ARHGEF12: variants seen among roughly 807,000 people sequenced by gnomAD.
The protein encoded by ARHGEF12 is KMT2A/ARHGEF12 fusion protein.
ARHGEF12 carries 66 observed loss-of-function variants against 211.2 expected under a neutral mutation model. The observed-to-expected ratio is 0.31, with a 90% CI of 0.26 to 0.38. The LOEUF (loss-of-function observed/expected upper bound fraction) is 0.38, where lower values mean the gene tolerates loss of function less well. Ranked by LOEUF, ARHGEF12 falls within the 10% of genes least tolerant of loss-of-function variation. ARHGEF12 has a pLI of 1.00. For missense variants in ARHGEF12, 1,429 were observed against 1,869.5 expected (o/e 0.76, Z 4.34); for synonymous variants, 592 against 638.4 (o/e 0.93, Z 1.09).
chr11:120,336,426 C>T lies in ARHGEF12; in HGVS notation c.-818C>T, dbSNP rs926644397. Among the ~76,000 whole-genome samples the T allele has an allele frequency of 2.6e-5, 4 of 151,390 alleles. No homozygotes were observed. The highest frequency in any genetic ancestry group is 9.7e-5 in the African/African-American group (4 of 41,306). On this transcript the variant is annotated 5_prime_UTR_variant, in exon 1 of 41. Coordinates refer to ENST00000397843, the MANE Select transcript of ARHGEF12 (RefSeq NM_015313.3). ...GCGAGGGCCTCCAGAACCCGGCGAGCCGGCCCTGCGCCGGGAGACGCCGCC... is the reference window on the plus strand; with the variant it reads ...GCGAGGGCCTCCAGAACCCGGCGAGTCGGCCCTGCGCCGGGAGACGCCGCC...
rs78291489 is a variant in ARHGEF12 at position 120,349,712 on chromosome 11, G to A, written c.32+12437G>A. On this transcript the variant is annotated intron_variant, in intron 1 of 40. Coordinates refer to ENST00000397843, the MANE Select transcript of ARHGEF12 (RefSeq NM_015313.3). ...AGTGTGTGTGAGTACCTAGCACATCGTAAGAGAGAGCTCAGTAAGTTATAG... is the reference window on the plus strand; with the variant it reads ...AGTGTGTGTGAGTACCTAGCACATCATAAGAGAGAGCTCAGTAAGTTATAG... 1.3e-3 allele frequency among the ~76,000 whole-genome samples: 191 copies of A among 152,294 alleles called. 4 individuals are homozygous for A. The East Asian group carries it at 0.033, about 27-fold the overall frequency.
chr11:120,389,044 T>C (rs1286892788), intron 1 of ARHGEF12, among the ~76,000 whole-genome samples: 1 of 151,818 alleles, frequency 6.6e-6, no homozygotes, highest in Non-Finnish European at 1.5e-5. Context: ...TTTCTAGTTT[T>C]AGTTTTAGTA....
At chr11:120,458,721 T>A (rs1946435627) in intron 25 of ARHGEF12, 1 of 161,946 alleles carries the variant, frequency 6.2e-6, no homozygotes, top group African/African-American at 2.4e-5. Context: ...GCATGTGATA[T>A]GAATAAATAT....
rs566711243 is a variant in ARHGEF12, at chr11:120,383,432, G to A, written c.33-22686G>A. Reference sequence around the variant, plus strand: ...ATTTTCATTATTATTACATTGTAATGTATAATGAAATAATTATATACTCAC... The same window carrying A: ...ATTTTCATTATTATTACATTGTAATATATAATGAAATAATTATATACTCAC... On this transcript the variant is annotated intron_variant, in intron 1 of 40. Coordinates refer to ENST00000397843, the MANE Select transcript of ARHGEF12 (RefSeq NM_015313.3). Among the ~76,000 whole-genome samples the A allele has an allele frequency of 2.0e-5, 3 of 152,262 alleles. No homozygotes were observed. In the East Asian group the frequency reaches 5.8e-4, roughly 29 times the overall value.
intron 19 of ARHGEF12, 117 bp downstream of exon 19, chr11:120,448,023 C>G: frequency 1.1e-6 from 1 of 878,896 alleles, no homozygotes; most frequent in South Asian, 1.9e-5. Context: ...TTTGTGGTCT[C>G]TCTCTGGTGG....
chr11:120,363,826 G>GAAA, intron 1 of ARHGEF12, among the ~76,000 whole-genome samples: 1 of 152,276 alleles, frequency 6.6e-6, no homozygotes, highest in East Asian at 1.9e-4. Context: ...GGTAGAGAGG[G>GAAA]GATTTGATAG....
rs578126955 is a variant in ARHGEF12, at chr11:120,467,037, G to A, written c.2740-157G>A. On this transcript the variant is annotated intron_variant, in intron 28 of 40. Coordinates refer to ENST00000397843, the MANE Select transcript of ARHGEF12 (RefSeq NM_015313.3). The stretch of plus-strand genomic sequence containing the variant: ...CCCCATTATGTGATTAAAGGAGAAA[G>A]CAGAAGTATATTGTGGCAATGATAT... Among the ~76,000 whole-genome samples, 88 of 152,318 alleles carry A rather than the reference G, an allele frequency of 5.8e-4. 2 individuals are homozygous for A. The South Asian group carries it at 0.017, about 29-fold the overall frequency.
At chr11:120,373,698 C>T (rs1339834521) in intron 1 of ARHGEF12, among the ~76,000 whole-genome samples, 1 of 151,798 alleles carries the variant, frequency 6.6e-6, no homozygotes, top group Non-Finnish European at 1.5e-5. Flanking sequence ...TTTTTTCCCC[C>T]TTCTATGTTT....
At chr11:120,434,870 A>G (rs190948987) in intron 11 of ARHGEF12, among the ~76,000 whole-genome samples, 460 of 152,276 alleles carry the variant, frequency 3.0e-3, no homozygotes, top group African/African-American at 0.01. Flanking sequence ...AATCCTCCTC[A>G]TGTCCCTGAG....
At chr11:120,439,050 G>T (rs1945786187) in intron 12 of ARHGEF12, 5 of 152,124 alleles carry the variant, frequency 3.3e-5, no homozygotes, top group African/African-American at 1.2e-4. Context: ...GATGGGTCTT[G>T]TTGTTTTTCC....
In ARHGEF12 at chr11:120,476,995, T is replaced by C. The variant is rs2135984382; in HGVS notation, c.3366-224T>C. The stretch of plus-strand genomic sequence containing the variant: ...TGTCAAGTGAAGTTTTTTTAATGTG[T>C]CCATAGATTTCTCTTAAGGTATAGT... On this transcript the variant is annotated intron_variant, in intron 34 of 40. Coordinates refer to ENST00000397843, the MANE Select transcript of ARHGEF12 (RefSeq NM_015313.3). 5.0e-6 allele frequency: 3 copies of C among 596,686 alleles called. No homozygotes were observed. The East Asian group carries it at 8.3e-5, about 17-fold the overall frequency. 37.0% of individuals were successfully genotyped at this position (596,686 alleles called of 1,614,324 possible).
intron 39 of ARHGEF12, among the ~76,000 whole-genome samples, 184 bp downstream of exon 39, chr11:120,481,760 CTTTTT>C (rs765155466): frequency 7.2e-6 from 1 of 138,408 alleles, no homozygotes; most frequent in Non-Finnish European, 1.6e-5. Context: ...TTCTTTCTTT[CTTTTT>C]TTTTTTTTTT....
intron 32 of ARHGEF12, among the ~76,000 whole-genome samples, chr11:120,475,031 C>G (rs1205678059): frequency 6.6e-6 from 1 of 152,150 alleles, no homozygotes; most frequent in Non-Finnish European, 1.5e-5. Context: ...TCATGGTGCA[C>G]TGCTGCCTCG....
intron 25 of ARHGEF12, chr11:120,458,455 A>G: frequency 2.1e-6 from 1 of 476,546 alleles, no homozygotes; most frequent in Non-Finnish European, 3.6e-6. Flanking sequence ...AGCCTTAAAG[A>G]TATTTAAGAT....
chr11:120,473,267 TG>T, intron 31 of ARHGEF12, 140 bp downstream of exon 31: 7 of 743,134 alleles, frequency 9.4e-6, no homozygotes, highest in Non-Finnish European at 1.5e-5. Context: ...TGATTTTTTT[TG>T]CTGCCTTTTA....
chr11:120,474,702 A>G (rs571787210), intron 32 of ARHGEF12, 67 bp downstream of exon 32: 151 of 1,267,324 alleles, frequency 1.2e-4, no homozygotes, highest in Non-Finnish European at 1.5e-4. Flanking sequence ...AAAGTTTCCT[A>G]TGACAAAGGG....
chr11:120,355,016 C>T lies in ARHGEF12; in HGVS notation c.32+17741C>T, dbSNP rs114740020. Among the ~76,000 whole-genome samples, 241 of 152,288 alleles carry T rather than the reference C, an allele frequency of 1.6e-3. 1 individual carries two copies. Among genetic ancestry groups the T allele is most frequent in the Middle Eastern group, 6.8e-3 (2 of 294 alleles). On this transcript the variant is annotated intron_variant, in intron 1 of 40. Transcript: ENST00000397843. Reference sequence around the variant, plus strand: ...ATCTCATTTTAGCTAGCATTGCTTCCTCACACTGTTAGCACTAAGGAGAAC... The same window carrying T: ...ATCTCATTTTAGCTAGCATTGCTTCTTCACACTGTTAGCACTAAGGAGAAC...
At chr11:120,421,755 C>A (rs754003664) in intron 5 of ARHGEF12, 48 bp from the exon 6 acceptor site, 2 of 1,533,882 alleles carry the variant, frequency 1.3e-6, no homozygotes, top group Non-Finnish European at 1.8e-6. Context: ...GGAAGATGAT[C>A]AGTAAATGCA....
intron 24 of ARHGEF12, 70 bp from the exon 25 acceptor site, chr11:120,458,010 T>C (rs1822358112): frequency 6.6e-7 from 1 of 1,505,210 alleles, no homozygotes; most frequent in Non-Finnish European, 9.0e-7. Context: ...TATTGTAATA[T>C]AAAGATTTGT....
Sources: gnomAD v4.1 joint callset for allele counts (sites outside exome capture counted in the v4.1 genomes callset) on GRCh38, gnomAD v4.1.1 for gene constraint, MANE v1.5 for transcripts, NCBI Gene and HGNC (gene_info 2026-07-23, HGNC 2026-07-21) for gene names.